The following GPHN variants were observed in gnomAD, a reference collection of about 807,000 sequenced individuals.
The protein encoded by GPHN is gephyrin.
GPHN carries 17 observed loss-of-function variants against 95.5 expected under a neutral mutation model. The ratio of observed to expected loss-of-function variants is 0.18; its 90% CI spans 0.12 to 0.27. The LOEUF (loss-of-function observed/expected upper bound fraction) is 0.27, where lower values mean the gene tolerates loss of function less well. Among genes scored for constraint, GPHN ranks in the 10% least tolerant of loss-of-function variants. The pLI is 1.00. For missense variants in GPHN, 660 were observed against 978.1 expected (o/e 0.67, Z 4.34); for synonymous variants, 320 against 322.5 (o/e 0.99, Z 0.08).
intron 4 of GPHN, among the ~76,000 whole-genome samples, chr14:66,844,417 G>A (rs542742708): frequency 6.6e-6 from 1 of 152,222 alleles, no homozygotes; most frequent in Admixed American, 6.5e-5. Flanking sequence ...GGTGAAATTT[G>A]CAAGAGTCTA....
At chr14:67,090,804 A>G (rs1348403490) in intron 12 of GPHN, among the ~76,000 whole-genome samples, 1 of 152,016 alleles carries the variant, frequency 6.6e-6, no homozygotes, top group Admixed American at 6.6e-5. Flanking sequence ...CATCTGTGTA[A>G]CTTTGAGCAG....
chr14:67,621,322 C>T, the GPHN span, among the ~76,000 whole-genome samples: 8 of 152,118 alleles, frequency 5.3e-5, no homozygotes, highest in East Asian at 5.8e-4. Context: ...TTATCAGTCT[C>T]GCCAGTTTTC....
At chr14:67,120,342 G>A (rs1282904653) in intron 16 of GPHN, among the ~76,000 whole-genome samples, 2 of 152,160 alleles carry the variant, frequency 1.3e-5, no homozygotes, top group East Asian at 1.9e-4. Flanking sequence ...AAAATTGTGA[G>A]TTTATTCTAG....
chr14:67,166,682 GT>G (rs1228004169), intron 20 of GPHN, among the ~76,000 whole-genome samples: 4 of 151,934 alleles, frequency 2.6e-5, no homozygotes, highest in African/African-American at 9.7e-5. Context: ...TTGTTTGTTT[GT>G]TTTTGAGACA....
At chr14:67,392,889 C>T in the GPHN span, 4 of 1,530,738 alleles carry the variant, frequency 2.6e-6, no homozygotes, top group South Asian at 1.2e-5. Flanking sequence ...GGGTGATGGA[C>T]CAGCGTCCTT....
chr14:67,029,432 G>A (rs961962695), intron 10 of GPHN, among the ~76,000 whole-genome samples: 10 of 151,942 alleles, frequency 6.6e-5, no homozygotes, highest in African/African-American at 2.4e-4. Context: ...CTACTTCCCG[G>A]ATTCAAGTGA....
intron 5 of GPHN, among the ~76,000 whole-genome samples, chr14:66,915,147 G>A (rs1015331047): frequency 3.3e-5 from 5 of 152,102 alleles, no homozygotes; most frequent in African/African-American, 4.8e-5. Flanking sequence ...GACAGTTTTA[G>A]GTTATTTCAG....
At chr14:67,313,379 G>A in the GPHN span, among the ~76,000 whole-genome samples, 3 of 152,190 alleles carry the variant, frequency 2.0e-5, no homozygotes, top group Admixed American at 6.5e-5. Context: ...CACAAACCTA[G>A]ATGATATAGC....
chr14:67,036,538 C>CAG (rs1439555721), intron 10 of GPHN, among the ~76,000 whole-genome samples: 8 of 149,814 alleles, frequency 5.3e-5, no homozygotes, highest in African/African-American at 2.0e-4. Flanking sequence ...CACACACACA[C>CAG]ACAGAGAAAC....
chr14:67,113,181 A>C lies in GPHN; in HGVS notation c.1626+10A>C, dbSNP rs1227529554. 6.2e-7 allele frequency: 1 copy of C among 1,611,582 alleles called. No homozygotes were observed. On this transcript the variant is annotated intron_variant, in intron 16 of 22. Coordinates refer to ENST00000478722, the MANE Select transcript of GPHN (RefSeq NM_020806.5). ...GTCAACAGGGAATGAGGTATTAAAA[A>C]TAAAAATGGAGGGAGTGGGGAGAGG...
chr14:66,623,729 C>A (rs1566720466), intron 1 of GPHN, among the ~76,000 whole-genome samples: 1 of 151,792 alleles, frequency 6.6e-6, no homozygotes, highest in African/African-American at 2.4e-5. Flanking sequence ...TCAGCTGCCT[C>A]AAGGAGAAAA....
the GPHN span, chr14:67,600,337 G>A: frequency 1.4e-6 from 1 of 737,022 alleles, no homozygotes. Context: ...AGCCTCAGTT[G>A]CGCGCCGAGA....
chr14:66,879,970 C>G lies in GPHN; in HGVS notation c.326C>G (p.Pro109Arg). 6.2e-7 allele frequency: 1 copy of G among 1,610,978 alleles called. No individual in the cohort carries two copies. Among genetic ancestry groups the G allele is most frequent in the Non-Finnish European group, 8.5e-7 (1 of 1,177,638 alleles). The change falls in exon 5 of 23, where the codon CCA becomes CGA. Residue 109 changes from proline (P) to arginine (R), a missense_variant. By Grantham distance (103) the Pro-to-Arg change is moderately radical. Transcript: ENST00000478722. ...AAAGAAGTAATAGAACGGGAAGCACCAGGGATGGCCCTGGCAATGCTGATG... is the reference window on the plus strand; with the variant it reads ...AAAGAAGTAATAGAACGGGAAGCACGAGGGATGGCCCTGGCAATGCTGATG... ...ATKEVIEREA[P>R]GMALAMLMGS...
At chr14:67,193,531 C>A in the GPHN span, among the ~76,000 whole-genome samples, 6,195 of 138,406 alleles carry the variant, frequency 0.045, 149 homozygotes, top group Middle Eastern at 0.052. Flanking sequence ...AGATATAGAT[C>A]TATAGAAATA....
At chr14:66,685,804 G>A (rs1247767471) in intron 2 of GPHN, among the ~76,000 whole-genome samples, 3 of 152,178 alleles carry the variant, frequency 2.0e-5, no homozygotes, top group Non-Finnish European at 4.4e-5. Context: ...TGGTGTTTTA[G>A]ACATGAAGTC....
At position 66,579,956 on chromosome 14, in the gene GPHN, G is replaced by T. The variant is rs561661041; in HGVS notation, c.64+71365G>T. ...AAGCATATGCTAAACATTCTCCAGG[G>T]TATACCACGTTAGTCTAGAAAACAA... On this transcript the variant is annotated intron_variant, in intron 1 of 22. Transcript: ENST00000478722. 5.5e-4 allele frequency among the ~76,000 whole-genome samples: 83 copies of T among 151,818 alleles called. 3 individuals carry two copies. The highest frequency in any genetic ancestry group is 2.0e-3 in the African/African-American group (81 of 41,480).
chr14:67,658,421 C>T, the GPHN span, among the ~76,000 whole-genome samples: 3 of 151,798 alleles, frequency 2.0e-5, no homozygotes, highest in Non-Finnish European at 2.9e-5. Flanking sequence ...GGTGAAACCC[C>T]GTCTCTACTA....
chr14:67,348,906 T>C, the GPHN span: 23 of 848,220 alleles, frequency 2.7e-5, no homozygotes, highest in African/African-American at 2.9e-4. Context: ...GATTTTAACA[T>C]GTAAAGCCAA....
At chr14:67,266,146 G>T in the GPHN span, among the ~76,000 whole-genome samples, 1 of 151,818 alleles carries the variant, frequency 6.6e-6, no homozygotes, top group African/African-American at 2.4e-5. Flanking sequence ...AGTTAAACGA[G>T]TTCAGTTTAC....
Sources: allele counts gnomAD v4.1 joint callset (sites outside exome capture counted in the v4.1 genomes callset), GRCh38; gene constraint gnomAD v4.1.1; transcripts MANE v1.5; gene names NCBI Gene and HGNC (gene_info 2026-07-23, HGNC 2026-07-21).